Variants in ZFHX3 observed in about 807,000 individuals in gnomAD.
ZFHX3 encodes zinc finger homeobox 3, also known as zinc finger homeobox protein 3.
A neutral mutation model predicts 279.1 loss-of-function variants in ZFHX3; 42 were observed. The ratio of observed to expected loss-of-function variants is 0.15; its 90% CI spans 0.12 to 0.19. The LOEUF is 0.19. Among genes scored for constraint, ZFHX3 ranks in the 10% least tolerant of loss-of-function variants. The pLI, the probability that ZFHX3 is intolerant of heterozygous loss-of-function variation, is 1.00. For missense variants in ZFHX3, 4,981 were observed against 4,754.0 expected (o/e 1.05, Z -1.40); for synonymous variants, 2,293 against 1,957.8 (o/e 1.17, Z -4.52).
intron 3 of ZFHX3, among the ~76,000 whole-genome samples, chr16:73,391,185 C>T (rs938421834): frequency 4.6e-5 from 7 of 152,090 alleles, no homozygotes; most frequent in African/African-American, 1.7e-4. Context: ...CATTAAGACC[C>T]TAGGTTTTGG....
intron 7 of ZFHX3, among the ~76,000 whole-genome samples, chr16:73,123,829 G>A (rs980963881): frequency 6.6e-6 from 1 of 152,084 alleles, no homozygotes; most frequent in Admixed American, 6.5e-5. Flanking sequence ...GAGGCCTGGG[G>A]GAGCTTGTTT....
intron 3 of ZFHX3, among the ~76,000 whole-genome samples, chr16:73,391,154 T>G: frequency 6.6e-6 from 1 of 152,160 alleles, no homozygotes; most frequent in African/African-American, 2.4e-5. Flanking sequence ...GCCCAGCTTG[T>G]GCAGTGACTG....
intron 3 of ZFHX3, among the ~76,000 whole-genome samples, chr16:73,356,794 A>C (rs564958586): frequency 6.6e-6 from 1 of 150,742 alleles, no homozygotes; most frequent in Non-Finnish European, 1.5e-5. Context: ...CATCCTATAC[A>C]TGAAGGCTGT....
At chr16:72,850,580 T>G (rs934541991) in intron 4 of ZFHX3, among the ~76,000 whole-genome samples, 10 of 151,994 alleles carry the variant, frequency 6.6e-5, no homozygotes, top group Non-Finnish European at 1.5e-4. Context: ...CACAGAACCA[T>G]GGACCATGGT....
At chr16:73,453,217 C>T (rs1183096195) in intron 3 of ZFHX3, among the ~76,000 whole-genome samples, 1 of 152,168 alleles carries the variant, frequency 6.6e-6, no homozygotes, top group Non-Finnish European at 1.5e-5. Flanking sequence ...GCATGAAATC[C>T]AGTGTGATTT....
chr16:73,634,162 T>C (rs2052505529), intron 2 of ZFHX3, among the ~76,000 whole-genome samples: 1 of 151,838 alleles, frequency 6.6e-6, no homozygotes, highest in South Asian at 2.1e-4. Flanking sequence ...ACACACTGTA[T>C]CATGTCAATA....
chr16:73,882,584 T>C lies in ZFHX3; in HGVS notation c.-1608+9067A>G, dbSNP rs951868973. On this transcript the variant is annotated intron_variant, in intron 1 of 17. Transcript: ENST00000641206. ...TGGGGACTATTATGTCAATAATTTC[T>C]ACAGCAACATTTTATTCCAGGTACA... Among the ~76,000 whole-genome samples, 6 of 152,124 alleles carry C rather than the reference T, an allele frequency of 3.9e-5. 1 individual carries two copies. The highest frequency in any genetic ancestry group is 1.4e-4 in the African/African-American group (6 of 41,436).
intron 1 of ZFHX3, among the ~76,000 whole-genome samples, chr16:73,768,647 T>A (rs1597105727): frequency 6.6e-6 from 1 of 152,218 alleles, no homozygotes; most frequent in Non-Finnish European, 1.5e-5. Context: ...CTGTTGTCTG[T>A]CTTTATTTCT....
chr16:73,369,396 A>G (rs1273156644), intron 3 of ZFHX3, among the ~76,000 whole-genome samples: 1 of 152,232 alleles, frequency 6.6e-6, no homozygotes, highest in African/African-American at 2.4e-5. Context: ...TCTAAGCATC[A>G]GAATCTTTGC....
At chr16:73,878,836 G>A (rs189544730) in intron 1 of ZFHX3, among the ~76,000 whole-genome samples, 1 of 151,760 alleles carries the variant, frequency 6.6e-6, no homozygotes, top group Non-Finnish European at 1.5e-5. Context: ...TACTGGAAAA[G>A]TGAAGTTCAA....
rs2035283169 is a variant in ZFHX3 at position 72,784,759 on chromosome 16, A to T, written c.*2405T>A. On this transcript the variant is annotated 3_prime_UTR_variant, in exon 10 of 10. Transcript: ENST00000268489. Reference sequence around the variant, plus strand: ...ACTGGATACTGGTATGAATAGTTAGATGGTATTCTTTCTTTAGTATTTCTA... The same window carrying T: ...ACTGGATACTGGTATGAATAGTTAGTTGGTATTCTTTCTTTAGTATTTCTA... 1 of 152,574 alleles carries T rather than the reference A, an allele frequency of 6.6e-6. No homozygotes were observed. Among genetic ancestry groups the T allele is most frequent in the South Asian group, 2.1e-4 (1 of 4,834 alleles). 9.5% of individuals were successfully genotyped at this position (152,574 alleles called of 1,614,324 possible). A position where few individuals can be genotyped will look rare whatever the true frequency, so the allele number is the denominator to read the frequency against.
chr16:72,918,485 A>G (rs1287040942), intron 3 of ZFHX3, among the ~76,000 whole-genome samples: 1 of 152,192 alleles, frequency 6.6e-6, no homozygotes, highest in Non-Finnish European at 1.5e-5. Context: ...AGTATCCTTT[A>G]AACACTTACA....
chr16:72,844,574 T>G (rs902859405), intron 4 of ZFHX3, among the ~76,000 whole-genome samples: 29 of 150,672 alleles, frequency 1.9e-4, no homozygotes, highest in Admixed American at 5.3e-4. Flanking sequence ...GGAGTGGTGG[T>G]GGGGGGGTGG....
chr16:73,719,044 G>A (rs2053447136), intron 1 of ZFHX3, among the ~76,000 whole-genome samples: 1 of 152,166 alleles, frequency 6.6e-6, no homozygotes, highest in Non-Finnish European at 1.5e-5. Flanking sequence ...TGTCACCCTT[G>A]ATGTCACATG....
chr16:73,085,756 G>C (rs938917704), intron 8 of ZFHX3, among the ~76,000 whole-genome samples: 11 of 152,060 alleles, frequency 7.2e-5, no homozygotes, highest in African/African-American at 2.7e-4. Context: ...AAACACTTCA[G>C]GACATTGGTC....
At chr16:73,772,930 T>A (rs2054035040) in intron 1 of ZFHX3, among the ~76,000 whole-genome samples, 1 of 152,208 alleles carries the variant, frequency 6.6e-6, no homozygotes, top group South Asian at 2.1e-4. Context: ...TGCAGAGATC[T>A]CAGAGCATTT....
At chr16:73,166,991 A>G (rs111426784) in intron 5 of ZFHX3, among the ~76,000 whole-genome samples, 7 of 152,196 alleles carry the variant, frequency 4.6e-5, no homozygotes, top group African/African-American at 1.7e-4. Flanking sequence ...CCCGAATGAG[A>G]TCAGTTTGAT....
chr16:73,784,352 A>G (rs1261736661), intron 1 of ZFHX3, among the ~76,000 whole-genome samples: 1 of 152,132 alleles, frequency 6.6e-6, no homozygotes, highest in Non-Finnish European at 1.5e-5. Context: ...AGTGCCTGAC[A>G]CCTAGAAAGC....
At chr16:73,026,693 A>AAAAAAAAAAAAAAAAAAAAAAAAAAAAAC (rs201116956) in intron 1 of ZFHX3, among the ~76,000 whole-genome samples, 1 of 144,642 alleles carries the variant, frequency 6.9e-6, no homozygotes, top group African/African-American at 2.6e-5. Flanking sequence ...AAAAAAAAAA[A>AAAAAAAAAAAAAAAAAAAAAAAAAAAAAC]AACACATAGT....
Sources: gnomAD v4.1 joint callset for allele counts (sites outside exome capture counted in the v4.1 genomes callset) on GRCh38, gnomAD v4.1.1 for gene constraint, MANE v1.5 for transcripts, NCBI Gene and HGNC (gene_info 2026-07-23, HGNC 2026-07-21) for gene names.